The following RAG1 variants were observed in gnomAD, a reference collection of about 807,000 sequenced individuals.
The protein encoded by RAG1 is recombination activating 1.
A neutral mutation model predicts 62.7 loss-of-function variants in RAG1; 35 were observed. The ratio of observed to expected loss-of-function variants is 0.56; its 90% confidence interval spans 0.43 to 0.74. RAG1 has a LOEUF of 0.74. Ranked by LOEUF, RAG1 falls within the 30% of genes least tolerant of loss-of-function variation. The probability of loss-of-function intolerance (pLI) is 0.00; values close to 1 mark genes in which losing one functional copy is unlikely to be tolerated. For missense variants in RAG1, 1,169 were observed against 1,278.6 expected, an observed-to-expected ratio of 0.91 and a Z score of 1.31; for synonymous variants, 461 against 470.3, an observed-to-expected ratio of 0.98 and a Z score of 0.26.
At position 36,575,580 on chromosome 11, in the gene RAG1, G is replaced by A. The variant is rs770953505; in HGVS notation, c.2276G>A (p.Arg759His). The change falls in exon 2 of 2, where the codon CGT (arginine) becomes CAT (histidine). Residue 759 changes from arginine (R) to histidine (H), a missense_variant. Around this residue, in one of 2 missense-constraint regions of RAG1, gnomAD observed 800 missense variants for 943.3 expected, o/e 0.85. Coordinates refer to ENST00000299440, the MANE Select transcript of RAG1 (RefSeq NM_000448.3). This position sits in a 1 kb window ranked among gnomAD's most constrained non-coding sequence, Gnocchi z 4.1. Reference sequence around the variant, plus strand: ...AGAAGCCATGCTGAGAACCTGGAACGTTATGAGGTCTGGCGTTCCAACCCT... The same window carrying A: ...AGAAGCCATGCTGAGAACCTGGAACATTATGAGGTCTGGCGTTCCAACCCT... ...ITRSHAENLE[R>H]YEVWRSNPYH... 3.1e-6 allele frequency: 5 copies of A among 1,614,202 alleles called. No individual in the cohort carries two copies. Among genetic ancestry groups the A allele is most frequent in the Non-Finnish European group, 3.4e-6 (4 of 1,180,042 alleles).
downstream of RAG1, among the ~76,000 whole-genome samples, chr11:36,537,697 C>T (rs1327269366): frequency 6.6e-6 from 1 of 151,888 alleles, no homozygotes; most frequent in African/African-American, 2.4e-5. Context: ...GGTGATAAGC[C>T]CTAAAAAGCT....
chr11:36,535,553 G>A (rs1860314322), intron 2 of RAG1, among the ~76,000 whole-genome samples: 1 of 152,088 alleles, frequency 6.6e-6, no homozygotes, highest in Non-Finnish European at 1.5e-5. Context: ...AGACCAGCCT[G>A]GCCAACATGG....
intron 1 of RAG1, among the ~76,000 whole-genome samples, chr11:36,516,395 CG>C (rs1274569266): frequency 6.6e-6 from 1 of 152,260 alleles, no homozygotes; most frequent in Non-Finnish European, 1.5e-5. Flanking sequence ...GATCTCCGCT[CG>C]CTGCAAGCTC....
chr11:36,566,854 G>A (rs981337217), upstream of RAG1, among the ~76,000 whole-genome samples: 5 of 152,202 alleles, frequency 3.3e-5, no homozygotes, highest in African/African-American at 9.7e-5. Context: ...GTCCAAATGC[G>A]AAAGAGTGGG....
intron 3 of RAG1, among the ~76,000 whole-genome samples, chr11:36,545,268 G>C (rs2133268533): frequency 6.6e-6 from 1 of 152,228 alleles, no homozygotes; most frequent in South Asian, 2.1e-4. Context: ...AAATTCACAT[G>C]TTAAAGCTTT....
intron 1 of RAG1, among the ~76,000 whole-genome samples, chr11:36,572,597 C>T (rs4151022): frequency 1.2e-4 from 18 of 152,126 alleles, no homozygotes; most frequent in Non-Finnish European, 2.2e-4. Context: ...TTTAGAGTTC[C>T]GTGTTTTTTG....
intron 3 of RAG1, among the ~76,000 whole-genome samples, chr11:36,561,687 T>G (rs2173394): frequency 0.022 from 3,307 of 152,292 alleles, 99 homozygotes; most frequent in African/African-American, 0.072. Flanking sequence ...TTGCTGAAGC[T>G]GGAGCTGGGA....
At chr11:36,523,603 T>C (rs1286216810) in intron 2 of RAG1, among the ~76,000 whole-genome samples, 1 of 152,194 alleles carries the variant, frequency 6.6e-6, no homozygotes, top group Non-Finnish European at 1.5e-5. Context: ...ATAATAAACA[T>C]TATCCAATAC....
Position 36,575,972 on chromosome 11 carries a change from C to T in RAG1, c.2668C>T (p.Leu890=), listed in dbSNP as rs1850843344. 1.2e-6 allele frequency: 2 copies of T among 1,614,070 alleles called. No individual in the cohort carries two copies. The highest frequency in any genetic ancestry group is 1.7e-6 in the Non-Finnish European group (2 of 1,180,020). The change falls in exon 2 of 2, where the codon CTG becomes TTG. Residue 890 remains leucine, a synonymous_variant. Transcript: ENST00000299440. The surrounding 1 kb of genome is among the most constrained non-coding windows in gnomAD (Gnocchi z 4.1). ...EALRELMDLY[L]KMKPVWRSSC... ...TCTGAGGGAGCTGATGGATCTTTAC[C>T]TGAAGATGAAACCAGTATGGCGATC...
At chr11:36,510,837 T>G (rs1859908528) in exon 1 of RAG1, 1 of 152,256 alleles carries the variant, frequency 6.6e-6, no homozygotes, top group Admixed American at 6.5e-5. Flanking sequence ...TTAAATTCCC[T>G]GTTTAACTGG....
upstream of RAG1, among the ~76,000 whole-genome samples, chr11:36,564,222 A>G (rs1308490302): frequency 6.6e-6 from 1 of 152,218 alleles, no homozygotes; most frequent in East Asian, 1.9e-4. Flanking sequence ...GGTCAGGATT[A>G]GCAAGACAAT....
intron 3 of RAG1, among the ~76,000 whole-genome samples, chr11:36,562,800 A>G (rs1436202461): frequency 6.6e-6 from 1 of 152,184 alleles, no homozygotes; most frequent in Non-Finnish European, 1.5e-5. Context: ...CTTGAAGTAG[A>G]AGATCAAAGT....
At chr11:36,539,753 C>G (rs1860387182), downstream of RAG1, among the ~76,000 whole-genome samples, 1 of 152,210 alleles carries the variant, frequency 6.6e-6, no homozygotes, top group African/African-American at 2.4e-5. Context: ...ATTGAGGTTA[C>G]AGGAATAAGC....
At chr11:36,541,714 A>C (rs540706129) in intron 3 of RAG1, among the ~76,000 whole-genome samples, 17 of 152,010 alleles carry the variant, frequency 1.1e-4, no homozygotes, top group Non-Finnish European at 1.8e-4. Context: ...CCCGAACCAA[A>C]AGTTTAGTCT....
chr11:36,519,474 G>C (rs1195097254), intron 1 of RAG1, among the ~76,000 whole-genome samples: 1 of 152,162 alleles, frequency 6.6e-6, no homozygotes, highest in South Asian at 2.1e-4. Context: ...AGAATGTACA[G>C]TTTCCTATCT....
downstream of RAG1, among the ~76,000 whole-genome samples, chr11:36,539,546 A>G (rs1353230165): frequency 6.6e-6 from 1 of 152,122 alleles, no homozygotes; most frequent in Admixed American, 6.5e-5. Context: ...GTACAGTGGC[A>G]CCATCTCAGC....
At chr11:36,541,010 A>G (rs572950909), downstream of RAG1, among the ~76,000 whole-genome samples, 17 of 152,286 alleles carry the variant, frequency 1.1e-4, no homozygotes, top group African/African-American at 4.1e-4. Flanking sequence ...CCCAACAGAC[A>G]TGAGTATTTA....
chr11:36,571,812 A>T (rs4151014), intron 1 of RAG1, among the ~76,000 whole-genome samples: 4,322 of 152,036 alleles, frequency 0.028, 178 homozygotes, highest in African/African-American at 0.094. Flanking sequence ...CAGATGGAGT[A>T]TCACCATGTT....
intron 3 of RAG1, among the ~76,000 whole-genome samples, chr11:36,561,762 T>C (rs894498183): frequency 1.8e-4 from 28 of 152,214 alleles, no homozygotes; most frequent in African/African-American, 6.5e-4. Flanking sequence ...GGATTGGTAC[T>C]GAAACTATAA....
Sources: allele counts gnomAD v4.1 joint callset (sites outside exome capture counted in the v4.1 genomes callset), GRCh38; gene constraint gnomAD v4.1.1; regional missense constraint gnomAD v4.1.1; non-coding constraint Gnocchi (gnomAD v3.1); transcripts MANE v1.5; gene names NCBI Gene and HGNC (gene_info 2026-07-23, HGNC 2026-07-21).